PPP1R14C: variants seen among roughly 807,000 people sequenced by gnomAD.
PPP1R14C encodes protein phosphatase 1 regulatory subunit 14C.
In PPP1R14C, 16 loss-of-function variants were observed where a neutral mutation model predicts 20.4. The observed-to-expected ratio is 0.78, with a 90% CI of 0.53 to 1.19. The LOEUF is 1.19. PPP1R14C is among the 50% of genes most tolerant of loss of function. The pLI is 0.00. For missense variants in PPP1R14C, 211 were observed against 220.1 expected (o/e 0.96, Z 0.26); for synonymous variants, 91 against 91.0 (o/e 1.00, Z 0.00).
At chr6:150,191,484 G>A (rs1256321220) in intron 1 of PPP1R14C, among the ~76,000 whole-genome samples, 1 of 152,212 alleles carries the variant, frequency 6.6e-6, no homozygotes, top group Non-Finnish European at 1.5e-5. Flanking sequence ...AGAGACACAA[G>A]TACATCAGAT....
At chr6:150,232,412 T>C (rs550027911) in intron 3 of PPP1R14C, among the ~76,000 whole-genome samples, 2 of 152,340 alleles carry the variant, frequency 1.3e-5, no homozygotes, top group African/African-American at 4.8e-5. Context: ...TACAGAAGTT[T>C]TAAATTTTAA....
At chr6:150,181,269 C>T (rs1392957578) in intron 1 of PPP1R14C, among the ~76,000 whole-genome samples, 3 of 152,064 alleles carry the variant, frequency 2.0e-5, no homozygotes, top group Non-Finnish European at 4.4e-5. Context: ...CTCCACCTCT[C>T]GGGTTTAAGA....
intron 1 of PPP1R14C, among the ~76,000 whole-genome samples, chr6:150,170,424 G>A (rs934707777): frequency 1.3e-5 from 2 of 151,430 alleles, no homozygotes; most frequent in African/African-American, 2.4e-5. Context: ...CCAGGTTCAC[G>A]CCATTCTTCT....
At chr6:150,178,285 C>T (rs369195316) in intron 1 of PPP1R14C, among the ~76,000 whole-genome samples, 2 of 152,238 alleles carry the variant, frequency 1.3e-5, no homozygotes, top group African/African-American at 4.8e-5. Flanking sequence ...TTCCCACAAC[C>T]TAGCCTGTGT....
intron 3 of PPP1R14C, among the ~76,000 whole-genome samples, chr6:150,217,653 T>C (rs140802478): frequency 6.6e-6 from 1 of 152,380 alleles, no homozygotes; most frequent in African/African-American, 2.4e-5. Context: ...CTAAAGCATT[T>C]CATGTAGACT....
At chr6:150,207,992 G>A (rs539459099) in intron 1 of PPP1R14C, among the ~76,000 whole-genome samples, 11 of 152,142 alleles carry the variant, frequency 7.2e-5, no homozygotes, top group South Asian at 6.2e-4. Context: ...GCAAGCGCTT[G>A]AAAAAAGAGA....
chr6:150,202,780 G>A (rs994332438), intron 1 of PPP1R14C, among the ~76,000 whole-genome samples: 4 of 152,310 alleles, frequency 2.6e-5, no homozygotes, highest in Admixed American at 2.0e-4. Flanking sequence ...TCACAGGAAG[G>A]CCTGGCCCTC....
intron 3 of PPP1R14C, among the ~76,000 whole-genome samples, chr6:150,238,001 C>G (rs1261894439): frequency 6.6e-6 from 1 of 152,206 alleles, no homozygotes; most frequent in African/African-American, 2.4e-5. Flanking sequence ...CCTCAGGACA[C>G]ACGGCCCCAG....
At chr6:150,210,494 C>T (rs925835556) in intron 1 of PPP1R14C, among the ~76,000 whole-genome samples, 3 of 152,172 alleles carry the variant, frequency 2.0e-5, no homozygotes, top group African/African-American at 7.2e-5. Context: ...CTGCCTCCTC[C>T]CTGTTATCCC....
At chr6:150,168,561 CAAAAAAA>C (rs879280299) in intron 1 of PPP1R14C, among the ~76,000 whole-genome samples, 4,948 of 151,932 alleles carry the variant, frequency 0.033, 156 homozygotes, top group East Asian at 0.098. Context: ...CAAAACAAAA[CAAAAAAA>C]CCCTTGATTC....
chr6:150,236,531 T>A (rs892743617), intron 3 of PPP1R14C, among the ~76,000 whole-genome samples: 5 of 150,286 alleles, frequency 3.3e-5, no homozygotes, highest in Non-Finnish European at 7.4e-5. Flanking sequence ...TCACCTGCAG[T>A]GTGACAGCGG....
intron 1 of PPP1R14C, among the ~76,000 whole-genome samples, chr6:150,164,990 G>T (rs964805750): frequency 6.6e-6 from 1 of 152,210 alleles, no homozygotes. Context: ...CTGCAAACCA[G>T]GAAGCTGGCT....
At chr6:150,209,941 G>A (rs1778002056) in intron 1 of PPP1R14C, among the ~76,000 whole-genome samples, 1 of 151,748 alleles carries the variant, frequency 6.6e-6, no homozygotes, top group East Asian at 1.9e-4. Context: ...GCATGTGTGT[G>A]TATGAGTGGT....
chr6:150,165,786 G>A (rs1233713672), intron 1 of PPP1R14C, among the ~76,000 whole-genome samples: 2 of 152,176 alleles, frequency 1.3e-5, no homozygotes, highest in African/African-American at 2.4e-5. Flanking sequence ...GAGCTTTTAT[G>A]TTGCTATCAG....
chr6:150,186,967 T>C (rs1020639772), intron 1 of PPP1R14C, among the ~76,000 whole-genome samples: 4 of 151,746 alleles, frequency 2.6e-5, no homozygotes, highest in Non-Finnish European at 5.9e-5. Flanking sequence ...TTTTAAGTTA[T>C]GCTTGACTTA....
chr6:150,212,745 A>G (rs1778043059), intron 1 of PPP1R14C, among the ~76,000 whole-genome samples: 1 of 152,144 alleles, frequency 6.6e-6, no homozygotes, highest in Non-Finnish European at 1.5e-5. Flanking sequence ...CCTGTTTTTA[A>G]CGTACCGTTT....
chr6:150,191,680 A>T (rs1349757864), intron 1 of PPP1R14C, among the ~76,000 whole-genome samples: 1 of 152,246 alleles, frequency 6.6e-6, no homozygotes, highest in African/African-American at 2.4e-5. Context: ...GTCATCTTTT[A>T]TGCTGGAGGC....
At chr6:150,170,002 T>TCTGGAGTAAACAGTCC (rs1777479287) in intron 1 of PPP1R14C, among the ~76,000 whole-genome samples, 1 of 152,240 alleles carries the variant, frequency 6.6e-6, no homozygotes, top group African/African-American at 2.4e-5. Context: ...GGGACTGGGC[T>TCTGGAGTAAACAGTCC]CTGGAGTAAA....
chr6:150,154,896 C>T (rs1385352682), intron 1 of PPP1R14C, among the ~76,000 whole-genome samples: 6 of 152,176 alleles, frequency 3.9e-5, no homozygotes. Context: ...ACCATAGCTG[C>T]TTTTTCTTTG....
Sources: allele counts gnomAD v4.1 joint callset (sites outside exome capture counted in the v4.1 genomes callset), GRCh38; gene constraint gnomAD v4.1.1; transcripts MANE v1.5; gene names NCBI Gene and HGNC (gene_info 2026-07-23, HGNC 2026-07-21).